The following ZNF644 variants were observed in gnomAD, a reference collection of about 807,000 sequenced individuals.
ZNF644 encodes zinc finger protein 644, also known as zinc finger motif enhancer binding protein 2.
A neutral mutation model predicts 108.0 loss-of-function variants in ZNF644; 20 were observed. The observed-to-expected ratio is 0.19, with a 90% CI of 0.13 to 0.27. The LOEUF (loss-of-function observed/expected upper bound fraction) is 0.27, where lower values mean the gene tolerates loss of function less well. Ranked by LOEUF, ZNF644 falls within the 10% of genes least tolerant of loss-of-function variation. ZNF644 has a pLI of 1.00. For missense variants in ZNF644, 1,338 were observed against 1,548.9 expected, an observed-to-expected ratio of 0.86 and a Z score of 2.29; for synonymous variants, 542 against 539.1, an observed-to-expected ratio of 1.01 and a Z score of -0.08.
In ZNF644 at chr1:90,940,785, G is replaced by A. The variant is rs769512274; in HGVS notation, c.569C>T (p.Ser190Phe). The change falls in exon 3 of 6, where the codon TCC (serine) becomes TTC (phenylalanine). Residue 190 changes from serine (S) to phenylalanine (F), a missense_variant. Coordinates refer to ENST00000337393, the MANE Select transcript of ZNF644 (RefSeq NM_201269.3). Reference protein sequence around the residue: ...DVAHAKNPTHSNKKLPTSASV... With the variant: ...DVAHAKNPTHFNKKLPTSASV... ...AGCAGAGGTAGGTAGTTTTTTATTG[G>A]AATGGGTGGGATTCTTAGCATGTGC... The A allele has an allele frequency of 6.8e-6, 11 of 1,613,764 alleles. No individual in the cohort carries two copies. The South Asian group carries it at 1.1e-4, about 16-fold the overall frequency.
intron 2 of ZNF644, among the ~76,000 whole-genome samples, chr1:90,953,916 AAAC>A (rs747862064): frequency 1.3e-5 from 2 of 152,314 alleles, no homozygotes; most frequent in South Asian, 2.1e-4. Flanking sequence ...CTGTCTCAAA[AAAC>A]AACAACAACA....
chr1:90,987,494 C>G (rs549785205), intron 1 of ZNF644, among the ~76,000 whole-genome samples: 27 of 151,990 alleles, frequency 1.8e-4, no homozygotes, highest in African/African-American at 6.5e-4. Context: ...AATAAAAACT[C>G]TGAATGGCCT....
At chr1:90,982,418 C>A (rs1246650241) in intron 1 of ZNF644, 48 bp from the exon 2 acceptor site, 1 of 1,296,664 alleles carries the variant, frequency 7.7e-7, no homozygotes. Flanking sequence ...TTGTTTCAGG[C>A]ATGAATAACC....
intron 5 of ZNF644, 61 bp downstream of exon 5, chr1:90,917,991 C>T: frequency 2.2e-6 from 3 of 1,356,860 alleles, no homozygotes; most frequent in Non-Finnish European, 3.2e-6. Context: ...AATGAAATAG[C>T]TAATATGTTT....
intron 2 of ZNF644, among the ~76,000 whole-genome samples, chr1:90,951,224 C>T (rs1222803292): frequency 6.6e-6 from 1 of 152,184 alleles, no homozygotes; most frequent in Non-Finnish European, 1.5e-5. Context: ...ATTCTCAACA[C>T]AGCAATCGGA....
At chr1:90,994,975 A>G (rs1570533457) in intron 1 of ZNF644, among the ~76,000 whole-genome samples, 1 of 152,160 alleles carries the variant, frequency 6.6e-6, no homozygotes, top group South Asian at 2.1e-4. Context: ...TAAAAAAAAG[A>G]CCTGCAACTC....
Position 90,941,243 on chromosome 1 carries a change from A to C in ZNF644, c.111T>G (p.Gly37=). The part of the protein sequence containing the change: ...DDLKINTDIT[G]AKEELLDDNN... ...TGTCATCTAGGAGTTCTTCTTTAGC[A>C]CCAGTAATATCGGTGTTTATCTTCA... Residue 37 remains glycine, a synonymous_variant, in exon 3 of 6, where the codon GGT becomes GGG. Transcript: ENST00000337393. 1 of 1,603,810 alleles carries C rather than the reference A, an allele frequency of 6.2e-7. No homozygotes were observed. The highest frequency in any genetic ancestry group is 1.3e-5 in the African/African-American group (1 of 74,160).
intron 4 of ZNF644, among the ~76,000 whole-genome samples, chr1:90,923,565 T>C (rs1316518996): frequency 6.6e-6 from 1 of 152,148 alleles, no homozygotes; most frequent in Admixed American, 6.5e-5. Flanking sequence ...CTCAAAAGTA[T>C]TTATTTTCAT....
intron 2 of ZNF644, among the ~76,000 whole-genome samples, chr1:90,979,691 C>T (rs973137957): frequency 2.0e-5 from 3 of 152,214 alleles, no homozygotes; most frequent in Non-Finnish European, 2.9e-5. Flanking sequence ...ACTTCTTACA[C>T]GTGTGACTAG....
Position 91,009,270 on chromosome 1 carries a change from C to A in ZNF644, c.-18+12720G>T, listed in dbSNP as rs114859915. ...TAAATGTTATACTAAAACGTGGTAT[C>A]TTAAAACTCTAAAACTATTAGTTCC... On this transcript the variant is annotated intron_variant, in intron 1 of 5. Transcript: ENST00000337393. 3.9e-3 allele frequency among the ~76,000 whole-genome samples: 593 copies of A among 152,228 alleles called. 1 individual carries two copies. The highest frequency in any genetic ancestry group is 0.013 in the African/African-American group (531 of 41,532).
chr1:90,978,407 C>G (rs990717789), intron 2 of ZNF644, among the ~76,000 whole-genome samples: 1 of 150,986 alleles, frequency 6.6e-6, no homozygotes, highest in African/African-American at 2.4e-5. Flanking sequence ...GGCAATACAG[C>G]TGGAAAGGGT....
chr1:90,917,718 G>C (rs981720838), intron 5 of ZNF644, among the ~76,000 whole-genome samples: 2 of 152,170 alleles, frequency 1.3e-5, no homozygotes, highest in African/African-American at 4.8e-5. Flanking sequence ...GGCTGCTCTT[G>C]AACTCCTGGC....
At chr1:90,951,370 T>C (rs1250818930) in intron 2 of ZNF644, among the ~76,000 whole-genome samples, 1 of 152,180 alleles carries the variant, frequency 6.6e-6, no homozygotes, top group Non-Finnish European at 1.5e-5. Context: ...TTTGACTTCG[T>C]TTCCTACTCC....
intron 2 of ZNF644, among the ~76,000 whole-genome samples, chr1:90,945,861 T>C (rs1050308143): frequency 6.6e-6 from 1 of 152,132 alleles, no homozygotes; most frequent in Non-Finnish European, 1.5e-5. Flanking sequence ...CCAACCTTTG[T>C]TGTGTTGTAT....
chr1:90,920,838 G>T (rs1649348065), intron 4 of ZNF644, among the ~76,000 whole-genome samples: 1 of 151,922 alleles, frequency 6.6e-6, no homozygotes, highest in Non-Finnish European at 1.5e-5. Flanking sequence ...TGGGAACTTT[G>T]GAAATTGAAA....
At chr1:90,952,443 T>TA (rs1404300265) in intron 2 of ZNF644, among the ~76,000 whole-genome samples, 5 of 151,950 alleles carry the variant, frequency 3.3e-5, no homozygotes, top group African/African-American at 1.2e-4. Flanking sequence ...ATCAAACATA[T>TA]AGGGAGAGGT....
intron 2 of ZNF644, among the ~76,000 whole-genome samples, chr1:90,957,579 T>A (rs532354580): frequency 6.6e-6 from 1 of 152,062 alleles, no homozygotes; most frequent in Non-Finnish European, 1.5e-5. Flanking sequence ...AATTCAACAC[T>A]GTTTCATGAA....
chr1:90,988,103 A>G lies in ZNF644; in HGVS notation c.-17-5733T>C, dbSNP rs185808154. ...AGAATAAAATGCATTCAAATTGGAAAGAAGTAAAATTACCCTGGTTCTCAG... is the reference window on the plus strand; with the variant it reads ...AGAATAAAATGCATTCAAATTGGAAGGAAGTAAAATTACCCTGGTTCTCAG... On this transcript the variant is annotated intron_variant, in intron 1 of 5. Coordinates refer to ENST00000337393, the MANE Select transcript of ZNF644 (RefSeq NM_201269.3). Among the ~76,000 whole-genome samples the G allele has an allele frequency of 2.6e-5, 4 of 152,282 alleles. No individual in the cohort carries two copies. The East Asian group carries it at 7.7e-4, about 29-fold the overall frequency.
At chr1:90,975,168 T>C (rs1490386991) in intron 2 of ZNF644, among the ~76,000 whole-genome samples, 2 of 152,228 alleles carry the variant, frequency 1.3e-5, no homozygotes, top group Admixed American at 6.5e-5. Flanking sequence ...ATTAGCTATA[T>C]TAAAGTACTG....
Sources: allele counts gnomAD v4.1 joint callset (sites outside exome capture counted in the v4.1 genomes callset), GRCh38; gene constraint gnomAD v4.1.1; transcripts MANE v1.5; gene names NCBI Gene and HGNC (gene_info 2026-07-23, HGNC 2026-07-21).